Variants in ZNF461 observed in about 807,000 individuals in gnomAD.
ZNF461 encodes gonadotropin-inducible ovarian transcription factor-1.
Under a neutral mutation model 18.3 loss-of-function variants are expected in ZNF461, and 16 were observed. The observed-to-expected ratio is 0.88, with a 90% CI of 0.59 to 1.33. The LOEUF is 1.33. ZNF461 is among the 40% of genes most tolerant of loss of function. The pLI is 0.00. For synonymous variants in ZNF461, 179 were observed against 216.9 expected, an observed-to-expected ratio of 0.83 and a Z score of 1.54; for missense variants, 595 against 669.9, an observed-to-expected ratio of 0.89 and a Z score of 1.23.
chr19:36,640,203 T>G (rs921201809), intron 5 of ZNF461, 160 bp from the exon 6 acceptor site: 22 of 559,676 alleles, frequency 3.9e-5, no homozygotes, highest in Non-Finnish European at 6.5e-5. Context: ...ATGAGAGCAC[T>G]CAAATGAAGT....
chr19:36,664,427 A>AG (rs1680835658), intron 2 of ZNF461, among the ~76,000 whole-genome samples: 1 of 152,140 alleles, frequency 6.6e-6, no homozygotes, highest in African/African-American at 2.4e-5. Flanking sequence ...GTATCTACTT[A>AG]GAGTACAAAA....
chr19:36,665,446 C>T (rs1467002837), intron 1 of ZNF461, among the ~76,000 whole-genome samples: 3 of 152,182 alleles, frequency 2.0e-5, no homozygotes, highest in Non-Finnish European at 2.9e-5. Flanking sequence ...CGCGGTGGCT[C>T]ACGCCTGTAA....
chr19:36,661,469 G>A (rs997582438), intron 2 of ZNF461, among the ~76,000 whole-genome samples: 1 of 150,902 alleles, frequency 6.6e-6, no homozygotes, highest in Non-Finnish European at 1.5e-5. Context: ...CCAAGACGAG[G>A]TAGGAAAACA....
chr19:36,666,151 A>G (rs965225128), intron 1 of ZNF461, among the ~76,000 whole-genome samples: 4 of 151,342 alleles, frequency 2.6e-5, no homozygotes, highest in African/African-American at 7.3e-5. Flanking sequence ...TTGGAGTGCA[A>G]TGGCGCGATC....
At chr19:36,650,231 AG>A (rs2037603047) in intron 4 of ZNF461, among the ~76,000 whole-genome samples, 1 of 152,128 alleles carries the variant, frequency 6.6e-6, no homozygotes, top group South Asian at 2.1e-4. Flanking sequence ...GGAGTCTCAA[AG>A]GAAAAAATTT....
intron 4 of ZNF461, among the ~76,000 whole-genome samples, chr19:36,644,308 C>A (rs2037481924): frequency 6.6e-6 from 1 of 150,660 alleles, no homozygotes; most frequent in Admixed American, 6.6e-5. Context: ...TCGCTCTGTC[C>A]CCCGGGCTGG....
In ZNF461 at chr19:36,639,089, C is replaced by T. The variant is rs370979336; in HGVS notation, c.1256G>A (p.Gly419Glu). The T allele has an allele frequency of 2.5e-5, 41 of 1,613,012 alleles. No individual in the cohort carries two copies. Among genetic ancestry groups the T allele is most frequent in the Non-Finnish European group, 3.4e-5 (40 of 1,179,886 alleles). Residue 419 changes from glycine (G) to glutamate (E), a missense_variant, in exon 6 of 6, where the codon GGG (glycine) becomes GAG (glutamate). Coordinates refer to ENST00000588268, the MANE Select transcript of ZNF461 (RefSeq NM_153257.5). ...GKKPYECHEC[G>E]KAFCDGLQLT... is the part of the protein sequence containing the mutation. ...TTGTAAGCCATCACAAAAAGCCTTC[C>T]CACATTCATGACATTCATAAGGTTT...
At chr19:36,652,626 C>T (rs2037649171) in intron 4 of ZNF461, among the ~76,000 whole-genome samples, 1 of 151,742 alleles carries the variant, frequency 6.6e-6, no homozygotes, top group South Asian at 2.1e-4. Context: ...ACCAAAAACA[C>T]AATTCATAAG....
intron 4 of ZNF461, among the ~76,000 whole-genome samples, chr19:36,644,311 C>A (rs569457995): frequency 1.3e-5 from 2 of 152,102 alleles, no homozygotes; most frequent in Non-Finnish European, 2.9e-5. Context: ...CTCTGTCCCC[C>A]GGGCTGGAGT....
At chr19:36,644,087 C>G (rs976206710) in intron 4 of ZNF461, among the ~76,000 whole-genome samples, 6 of 152,020 alleles carry the variant, frequency 3.9e-5, no homozygotes, top group Admixed American at 3.3e-4. Flanking sequence ...CACGTGCCAC[C>G]ATGCCTGGTT....
At chr19:36,659,463 G>A (rs2037780543) in intron 2 of ZNF461, among the ~76,000 whole-genome samples, 3 of 152,294 alleles carry the variant, frequency 2.0e-5, no homozygotes, top group Non-Finnish European at 4.4e-5. Flanking sequence ...TTAAGAGACA[G>A]GGTCTCACTA....
chr19:36,665,473 G>C (rs1400493498), intron 1 of ZNF461, among the ~76,000 whole-genome samples: 2 of 152,180 alleles, frequency 1.3e-5, no homozygotes, highest in African/African-American at 4.8e-5. Flanking sequence ...CACTTTGGGA[G>C]GCAGATGCGG....
At chr19:36,663,261 C>T (rs988112385) in intron 2 of ZNF461, among the ~76,000 whole-genome samples, 13 of 152,240 alleles carry the variant, frequency 8.5e-5, no homozygotes, top group African/African-American at 1.9e-4. Context: ...GCAATTCTCC[C>T]GCCTTGGCCT....
At chr19:36,656,983 C>G (rs904203194) in intron 3 of ZNF461, among the ~76,000 whole-genome samples, 2 of 151,732 alleles carry the variant, frequency 1.3e-5, no homozygotes, top group Non-Finnish European at 2.9e-5. Flanking sequence ...CTCTGCCTGG[C>G]TAATTTTTGT....
chr19:36,642,918 T>C (rs1416109247), intron 5 of ZNF461, among the ~76,000 whole-genome samples: 1 of 151,930 alleles, frequency 6.6e-6, no homozygotes, highest in Non-Finnish European at 1.5e-5. Context: ...CCTGTAATTT[T>C]TGTATTTTTA....
intron 4 of ZNF461, among the ~76,000 whole-genome samples, chr19:36,644,538 G>A (rs1178271805): frequency 2.0e-5 from 3 of 151,756 alleles, no homozygotes; most frequent in Non-Finnish European, 4.4e-5. Flanking sequence ...CAAAGTGCTG[G>A]GATTACAGGC....
intron 4 of ZNF461, among the ~76,000 whole-genome samples, chr19:36,652,474 C>T (rs2037643927): frequency 6.9e-6 from 1 of 145,046 alleles, no homozygotes; most frequent in Non-Finnish European, 1.5e-5. Context: ...GCACTCCAGC[C>T]TGGGTGACAG....
chr19:36,655,114 A>T (rs898986530), intron 4 of ZNF461, among the ~76,000 whole-genome samples: 1 of 152,132 alleles, frequency 6.6e-6, no homozygotes, highest in African/African-American at 2.4e-5. Flanking sequence ...CAGTCTGCTG[A>T]ACATCTGGGA....
In ZNF461 at chr19:36,641,797, C is replaced by T. The variant is rs192766020; in HGVS notation, c.302-1754G>A. Among the ~76,000 whole-genome samples the T allele has an allele frequency of 1.3e-3, 192 of 152,134 alleles. 1 individual carries two copies. Among genetic ancestry groups the T allele is most frequent in the African/African-American group, 4.3e-3 (177 of 41,520 alleles). ...TCCATGCTTCTATTCACTCCTACAT[C>T]GACTGCACTGATTTTATATATAAAC... On this transcript the variant is annotated intron_variant, in intron 5 of 5. Coordinates refer to ENST00000588268, the MANE Select transcript of ZNF461 (RefSeq NM_153257.5).
Sources: gnomAD v4.1 joint callset for allele counts (sites outside exome capture counted in the v4.1 genomes callset) on GRCh38, gnomAD v4.1.1 for gene constraint, MANE v1.5 for transcripts, NCBI Gene and HGNC (gene_info 2026-07-23, HGNC 2026-07-21) for gene names.